Variants in MUSK observed in about 807,000 individuals in gnomAD.
The protein encoded by MUSK is muscle associated receptor tyrosine kinase, also known as muscle, skeletal receptor tyrosine-protein kinase.
In MUSK, 55 loss-of-function variants were observed where a neutral mutation model predicts 88.7. That is an observed-to-expected ratio of 0.62 (90% confidence interval 0.50 to 0.78). MUSK has a LOEUF of 0.78. Ranked by LOEUF, MUSK falls within the 30% of genes least tolerant of loss-of-function variation. The pLI, the probability that MUSK is intolerant of heterozygous loss-of-function variation, is 0.00. For synonymous variants in MUSK, 387 were observed against 391.9 expected (o/e 0.99, Z 0.15); for missense variants, 1,015 against 1,074.3 (o/e 0.94, Z 0.77).
At chr9:110,725,476 A>G (rs1409923290) in intron 5 of MUSK, among the ~76,000 whole-genome samples, 1 of 152,054 alleles carries the variant, frequency 6.6e-6, no homozygotes, top group Non-Finnish European at 1.5e-5. Flanking sequence ...AAAACTTTTC[A>G]AGAAAATTAT....
At chr9:110,774,005 G>A (rs1436477821) in intron 9 of MUSK, among the ~76,000 whole-genome samples, 1 of 151,932 alleles carries the variant, frequency 6.6e-6, no homozygotes, top group Non-Finnish European at 1.5e-5. Context: ...TAAACATTGT[G>A]CCCTTTTCAT....
intron 14 of MUSK, among the ~76,000 whole-genome samples, chr9:110,799,779 G>T (rs535679016): frequency 1.3e-5 from 2 of 152,334 alleles, no homozygotes; most frequent in South Asian, 4.1e-4. Flanking sequence ...TAGGTTCTCT[G>T]TGAAAGGATG....
At chr9:110,724,551 C>T (rs372237612) in intron 5 of MUSK, among the ~76,000 whole-genome samples, 6 of 152,060 alleles carry the variant, frequency 3.9e-5, no homozygotes, top group South Asian at 4.1e-4. Flanking sequence ...TTTCAAGCAG[C>T]GAGCCTCCAA....
chr9:110,681,066 T>C (rs1184283981), intron 1 of MUSK, among the ~76,000 whole-genome samples: 1 of 13,578 alleles, frequency 7.4e-5, no homozygotes, highest in South Asian at 1.1e-3. Flanking sequence ...ATTATATATA[T>C]AATATTATAT....
chr9:110,703,536 AAAATT>A (rs1381751761), intron 5 of MUSK, among the ~76,000 whole-genome samples: 2 of 152,158 alleles, frequency 1.3e-5, no homozygotes, highest in African/African-American at 4.8e-5. Context: ...TCTAAAAAAA[AAAATT>A]AAATAAATAA....
chr9:110,775,245 GCTGAGT>G lies in MUSK; in HGVS notation c.1185-542_1185-537del, dbSNP rs2077648520. 5 of 158,540 alleles carry G rather than the reference GCTGAGT, an allele frequency of 3.2e-5. No homozygotes were observed. The South Asian group carries it at 9.4e-4, about 30-fold the overall frequency. The allele number at this position is 158,540 out of a possible 1,614,324, so 9.8% of individuals were successfully genotyped here. ...CAGGATTCCGTGCCTCAAAGTAAGG[GCTGAGT>G]AAGGACCCAGATGCCCTCCTATAAG... On this transcript the variant is annotated intron_variant, in intron 9 of 14. Transcript: ENST00000374448.
intron 9 of MUSK, chr9:110,775,579 A>G: frequency 1.7e-6 from 1 of 576,812 alleles, no homozygotes; most frequent in Non-Finnish European, 3.1e-6. Context: ...TTCACAACAA[A>G]ACGAGATAGC....
chr9:110,722,670 C>A (rs1415745790), intron 5 of MUSK, among the ~76,000 whole-genome samples: 2 of 151,580 alleles, frequency 1.3e-5, no homozygotes, highest in Non-Finnish European at 2.9e-5. Flanking sequence ...GAGTAATATT[C>A]AGAATCTACA....
chr9:110,751,038 G>A lies in MUSK; in HGVS notation c.913+3238G>A, dbSNP rs1036468098. Among the ~76,000 whole-genome samples the A allele has an allele frequency of 2.6e-5, 4 of 152,234 alleles. No individual in the cohort carries two copies. In the South Asian group the frequency reaches 8.3e-4, roughly 32 times the overall value. On this transcript the variant is annotated intron_variant, in intron 7 of 14. Coordinates refer to ENST00000374448, the MANE Select transcript of MUSK (RefSeq NM_005592.4). ...AATCTTTAGAGCCTACTCATCATAA[G>A]TACAAAGGTGGTTGTGAAGGCAGTG...
chr9:110,742,436 AC>A (rs2077114925), intron 6 of MUSK, among the ~76,000 whole-genome samples: 1 of 152,190 alleles, frequency 6.6e-6, no homozygotes, highest in East Asian at 1.9e-4. Context: ...AGTCTGGGCA[AC>A]AGAGAGAAAC....
At chr9:110,683,827 A>C (rs1004703889) in intron 2 of MUSK, among the ~76,000 whole-genome samples, 1 of 151,912 alleles carries the variant, frequency 6.6e-6, no homozygotes, top group Non-Finnish European at 1.5e-5. Flanking sequence ...TGATTGGATT[A>C]ATATATTTTT....
intron 5 of MUSK, among the ~76,000 whole-genome samples, chr9:110,726,193 A>G (rs1157817329): frequency 6.6e-6 from 1 of 152,072 alleles, no homozygotes; most frequent in Non-Finnish European, 1.5e-5. Flanking sequence ...AACTGAAACT[A>G]TAATTTCTGG....
chr9:110,760,169 A>C (rs1017881732), intron 7 of MUSK, among the ~76,000 whole-genome samples: 1 of 152,216 alleles, frequency 6.6e-6, no homozygotes, highest in Non-Finnish European at 1.5e-5. Flanking sequence ...CTAAGATAAC[A>C]AAAACAGAAC....
chr9:110,719,009 C>G (rs1008141522), intron 5 of MUSK, among the ~76,000 whole-genome samples: 3 of 152,076 alleles, frequency 2.0e-5, no homozygotes, highest in African/African-American at 4.8e-5. Flanking sequence ...AGGAAAGATA[C>G]AGTCTTTCCA....
At chr9:110,704,138 C>G (rs1048976505) in intron 5 of MUSK, among the ~76,000 whole-genome samples, 1 of 152,140 alleles carries the variant, frequency 6.6e-6, no homozygotes, top group African/African-American at 2.4e-5. Context: ...TTTGTCTCAG[C>G]AATTTAACTT....
chr9:110,670,228 A>T (rs79404214), intron 1 of MUSK, among the ~76,000 whole-genome samples: 3,160 of 152,310 alleles, frequency 0.021, 120 homozygotes, highest in African/African-American at 0.073. Flanking sequence ...AAGAGACTCT[A>T]GATCTTTTCA....
At chr9:110,751,876 T>A (rs753555196) in intron 7 of MUSK, among the ~76,000 whole-genome samples, 14 of 151,984 alleles carry the variant, frequency 9.2e-5, no homozygotes, top group Non-Finnish European at 7.4e-5. Context: ...ATGTTCGGAG[T>A]CAAGTAAAGA....
chr9:110,711,770 C>T (rs1310793734), intron 5 of MUSK, among the ~76,000 whole-genome samples: 2 of 152,166 alleles, frequency 1.3e-5, no homozygotes, highest in African/African-American at 2.4e-5. Flanking sequence ...GCCATACTCA[C>T]TTTGTCGTCA....
At chr9:110,790,439 T>C (rs1375563488) in intron 14 of MUSK, among the ~76,000 whole-genome samples, 1 of 152,210 alleles carries the variant, frequency 6.6e-6, no homozygotes, top group East Asian at 1.9e-4. Flanking sequence ...TGTAAATTAA[T>C]GAGAATGATC....
Sources: gnomAD v4.1 joint callset for allele counts (sites outside exome capture counted in the v4.1 genomes callset) on GRCh38, gnomAD v4.1.1 for gene constraint, MANE v1.5 for transcripts, NCBI Gene and HGNC (gene_info 2026-07-23, HGNC 2026-07-21) for gene names.